The following SPNS1 variants were observed in gnomAD, a reference collection of about 807,000 sequenced individuals.
SPNS1 encodes the protein SPNS lysolipid transporter 1, lysophospholipid.
SPNS1 carries 22 observed loss-of-function variants against 50.3 expected under a neutral mutation model. The observed-to-expected ratio is 0.44, with a 90% CI of 0.31 to 0.62. The LOEUF (loss-of-function observed/expected upper bound fraction) is 0.62, where lower values mean the gene tolerates loss of function less well. Among genes scored for constraint, SPNS1 ranks in the 20% least tolerant of loss-of-function variants. The pLI is 0.07. For synonymous variants in SPNS1, 295 were observed against 317.4 expected (o/e 0.93, Z 0.75); for missense variants, 576 against 728.6 (o/e 0.79, Z 2.41).
chr16:28,976,483 C>T (rs370808944), intron 2 of SPNS1, among the ~76,000 whole-genome samples: 18 of 152,086 alleles, frequency 1.2e-4, no homozygotes, highest in South Asian at 6.2e-4. Context: ...TAGGACTTTG[C>T]GAAGAACTTT....
rs772677630 is a variant in SPNS1 at position 28,981,417 on chromosome 16, A to G, written c.664-53A>G. The G allele has an allele frequency of 1.2e-6, 2 of 1,608,794 alleles. No homozygotes were observed. The highest frequency in any genetic ancestry group is 1.7e-6 in the Non-Finnish European group (2 of 1,176,576). On this transcript the variant is annotated intron_variant, in intron 5 of 11. Coordinates refer to ENST00000311008, the MANE Select transcript of SPNS1 (RefSeq NM_032038.3). The surrounding 1 kb of genome is among the most constrained non-coding windows in gnomAD (Gnocchi z 4.2). ...TGTACCCCACACTCTCCTCCAGCCCAGGGCTTGAGTGTGTCTCTCCCTGTG... is the reference window on the plus strand; with the variant it reads ...TGTACCCCACACTCTCCTCCAGCCCGGGGCTTGAGTGTGTCTCTCCCTGTG...
intron 2 of SPNS1, among the ~76,000 whole-genome samples, chr16:28,977,312 T>TA (rs11297402): frequency 2.6e-3 from 322 of 125,664 alleles, no homozygotes; most frequent in South Asian, 7.9e-3. Flanking sequence ...AGACTTCGTT[T>TA]AAAAAAAAAA....
At chr16:28,979,573 CA>C in intron 5 of SPNS1, 102 bp downstream of exon 5, 1 of 1,282,394 alleles carries the variant, frequency 7.8e-7, no homozygotes, top group Non-Finnish European at 1.1e-6. Context: ...TTTTAAGAGA[CA>C]GGGTCTTGTT....
rs774014230 is a variant in SPNS1, at chr16:28,982,432, C to T, written c.1042C>T (p.Arg348Cys). 1.1e-5 allele frequency: 18 copies of T among 1,613,594 alleles called. No individual in the cohort carries two copies. Among genetic ancestry groups the T allele is most frequent in the East Asian group, 2.2e-5 (1 of 44,866 alleles). Residue 348 changes from arginine (R) to cysteine (C), a missense_variant, in exon 8 of 12, where the codon CGC becomes TGC. Physicochemically the swap from Arg to Cys is radical, Grantham distance 180. This residue lies in a region of SPNS1 where 428 missense variants were observed against 520.1 expected (regional missense o/e 0.82). Coordinates refer to ENST00000311008, the MANE Select transcript of SPNS1 (RefSeq NM_032038.3). ...GGGTGTGGAGATCAGCCGCCGGCTC[C>T]GCCACTCCAACCCCCGGGCTGATCC... Reference protein sequence around the residue: ...GLGVEISRRLRHSNPRADPLV... With the variant: ...GLGVEISRRLCHSNPRADPLV...
intron 2 of SPNS1, among the ~76,000 whole-genome samples, chr16:28,976,650 G>A (rs953487926): frequency 1.3e-5 from 2 of 152,146 alleles, no homozygotes; most frequent in Non-Finnish European, 2.9e-5. Flanking sequence ...AGTTGGAGGC[G>A]GAACAGGAAT....
intron 8 of SPNS1, 44 bp from the exon 9 acceptor site, chr16:28,982,813 G>A: frequency 6.2e-7 from 1 of 1,603,924 alleles, no homozygotes; most frequent in Non-Finnish European, 8.5e-7. Context: ...CTTTCCATGT[G>A]TTAGCCCTTA....
In SPNS1 at chr16:28,975,325, G is replaced by T; in HGVS notation, c.174G>T (p.Ser58=). Residue 58 remains serine (S), a synonymous_variant, in exon 1 of 12, where the codon TCG becomes TCT. Coordinates refer to ENST00000311008, the MANE Select transcript of SPNS1 (RefSeq NM_032038.3). ...QRITGLSPGR[S]ALIVAVLCYI... is the part of the protein sequence containing the mutation. ...TCACCGGCCTGTCTCCCGGCCGTTC[G>T]GCTCTCATAGTGGCGGTGCTGTGCT... 1.3e-6 allele frequency: 2 copies of T among 1,585,758 alleles called. No homozygotes were observed. Among genetic ancestry groups the T allele is most frequent in the East Asian group, 2.3e-5 (1 of 44,418 alleles).
In SPNS1 at chr16:28,980,936, A is replaced by C. The variant is rs117219491; in HGVS notation, c.664-534A>C. On this transcript the variant is annotated intron_variant, in intron 5 of 11. Coordinates refer to ENST00000311008, the MANE Select transcript of SPNS1 (RefSeq NM_032038.3). ...GCTTTCTTCCTGAAAGTCCCAGGTG[A>C]GCTTCAGTCAGGTAAAGCTGGATCC... Among the ~76,000 whole-genome samples the C allele has an allele frequency of 2.1e-3, 313 of 152,316 alleles. 3 individuals are homozygous for C. The East Asian group carries it at 0.021, about 10-fold the overall frequency.
In SPNS1 at chr16:28,983,985, C is replaced by T; in HGVS notation, c.1492+28C>T. 1 of 1,529,590 alleles carries T rather than the reference C, an allele frequency of 6.5e-7. No individual in the cohort carries two copies. The highest frequency in any genetic ancestry group is 2.0e-5 in the Admixed American group (1 of 49,904). The allele number at this position is 1,529,590 out of a possible 1,614,324, so 94.8% of individuals were successfully genotyped here. A position where few individuals can be genotyped will look rare whatever the true frequency, so the allele number is the denominator to read the frequency against. On this transcript the variant is annotated intron_variant, in intron 11 of 11. Coordinates refer to ENST00000311008, the MANE Select transcript of SPNS1 (RefSeq NM_032038.3). The surrounding 1 kb of genome is among the most constrained non-coding windows in gnomAD (Gnocchi z 5.4). Reference sequence around the variant, plus strand: ...CAGTTAGGAGCTGTGCCCGGCCCAGCTTCTTGATCTGCCTGTCTGTCTGTC... The same window carrying T: ...CAGTTAGGAGCTGTGCCCGGCCCAGTTTCTTGATCTGCCTGTCTGTCTGTC...
At chr16:28,982,128 C>G in intron 7 of SPNS1, 72 bp downstream of exon 7, 1 of 1,553,140 alleles carries the variant, frequency 6.4e-7, no homozygotes, top group Non-Finnish European at 8.7e-7. Flanking sequence ...GTGGCTCAGA[C>G]CCAGGCAGGG....
In SPNS1 at chr16:28,974,809, C is replaced by T. The variant is rs898689405; in HGVS notation, c.-343C>T. 4 of 1,535,572 alleles carry T rather than the reference C, an allele frequency of 2.6e-6. No homozygotes were observed. The African/African-American group carries it at 5.5e-5, about 21-fold the overall frequency. ...CCGGCTTTAAGCAACATGGCGGCTGCCGTGGTGCAGCGCCCGGGCTGAGCG... is the reference window on the plus strand; with the variant it reads ...CCGGCTTTAAGCAACATGGCGGCTGTCGTGGTGCAGCGCCCGGGCTGAGCG... On this transcript the variant is annotated 5_prime_UTR_variant, in exon 1 of 12. Transcript: ENST00000311008.
Position 28,983,655 on chromosome 16 carries a change from C to G in SPNS1, c.1321-131C>G. On this transcript the variant is annotated intron_variant, in intron 10 of 11. Coordinates refer to ENST00000311008, the MANE Select transcript of SPNS1 (RefSeq NM_032038.3). The surrounding 1 kb of genome is among the most constrained non-coding windows in gnomAD (Gnocchi z 5.4). ...TAGCTGGGATGATAGGCATGAGCCA[C>G]TGCATCTAGCTCAAACCTCCTTCCC... 4 of 1,086,782 alleles carry G rather than the reference C, an allele frequency of 3.7e-6. No individual in the cohort carries two copies. Among genetic ancestry groups the G allele is most frequent in the Non-Finnish European group, 5.2e-6 (4 of 764,396 alleles). The allele number at this position is 1,086,782 out of a possible 1,614,324, so 67.3% of individuals were successfully genotyped here.
intron 2 of SPNS1, 106 bp downstream of exon 2, chr16:28,975,663 G>A: frequency 7.8e-7 from 1 of 1,284,502 alleles, no homozygotes; most frequent in Non-Finnish European, 1.1e-6. Flanking sequence ...AGGTTTTGTG[G>A]CCAGTTAGGG....
chr16:28,978,349 C>T (rs545792890), intron 3 of SPNS1: 1 of 285,398 alleles, frequency 3.5e-6, no homozygotes, highest in East Asian at 6.9e-5. Flanking sequence ...ATCAGACTTC[C>T]TGAAGGGCCC....
chr16:28,977,830 G>A, intron 2 of SPNS1, 78 bp from the exon 3 acceptor site: 1 of 1,566,602 alleles, frequency 6.4e-7, no homozygotes. Flanking sequence ...CATCTCCTGT[G>A]CTTTAGTGGT....
In SPNS1 at chr16:28,981,477, C is replaced by G; in HGVS notation, c.671C>G (p.Pro224Arg). 6.2e-7 allele frequency: 1 copy of G among 1,614,016 alleles called. No homozygotes were observed. Among genetic ancestry groups the G allele is most frequent in the Non-Finnish European group, 8.5e-7 (1 of 1,179,966 alleles). The stretch of plus-strand genomic sequence containing the variant: ...AAGCCCTCTGTCTCCCAGGTGACAC[C>G]GGGTCTAGGAGTGGTGGCCGTTCTG... ...GDWHWALRVTPGLGVVAVLLL... is the reference protein window; with the variant it reads ...GDWHWALRVTRGLGVVAVLLL... The change falls in exon 6 of 12, where the codon CCG becomes CGG. Residue 224 changes from proline (P) to arginine (R), a missense_variant. By Grantham distance (103) the Pro-to-Arg change is moderately radical. Coordinates refer to ENST00000311008, the MANE Select transcript of SPNS1 (RefSeq NM_032038.3). This position sits in a 1 kb window ranked among gnomAD's most constrained non-coding sequence, Gnocchi z 4.2.
chr16:28,983,904 G>C lies in SPNS1; in HGVS notation c.1439G>C (p.Gly480Ala). ...GCACTGGGCGGCGCAGCCTTCCTGG[G>C]CACCGCCATCTTCATTGAGGCCGAC... ...VGALGGAAFL[G>A]TAIFIEADRR... is the part of the protein sequence containing the mutation. The change falls in exon 11 of 12, where the codon GGC becomes GCC. Residue 480 changes from glycine to alanine, a missense_variant. Physicochemically the swap from Gly to Ala is moderately conservative, Grantham distance 60 (BLOSUM62 0). This residue lies in a region of SPNS1 where 428 missense variants were observed against 520.1 expected (regional missense o/e 0.82). Transcript: ENST00000311008. The surrounding 1 kb of genome is among the most constrained non-coding windows in gnomAD (Gnocchi z 5.4). 1 of 1,599,908 alleles carries C rather than the reference G, an allele frequency of 6.3e-7. No homozygotes were observed.
At chr16:28,982,207 T>A (rs1965577474) in intron 7 of SPNS1, 149 bp from the exon 8 acceptor site, 2 of 1,340,986 alleles carry the variant, frequency 1.5e-6, no homozygotes, top group African/African-American at 1.5e-5. Context: ...GGGAAATAAG[T>A]GATGGGATGA....
Position 28,983,698 on chromosome 16 carries a change from G to A in SPNS1, c.1321-88G>A. 1.4e-6 allele frequency: 2 copies of A among 1,419,874 alleles called. No homozygotes were observed. The highest frequency in any genetic ancestry group is 1.9e-6 in the Non-Finnish European group (2 of 1,061,954). 88.0% of individuals were successfully genotyped at this position (1,419,874 alleles called of 1,614,324 possible). ...TCCTTCCCTTTCCTGGGCTCCACTT[G>A]TCTTTCTCCCTGGAGCTCAGGGGCG... is the stretch of plus-strand genomic sequence containing the variant. On this transcript the variant is annotated intron_variant, in intron 10 of 11. Transcript: ENST00000311008. The surrounding 1 kb of genome is among the most constrained non-coding windows in gnomAD (Gnocchi z 5.4).
Sources: allele counts gnomAD v4.1 joint callset (sites outside exome capture counted in the v4.1 genomes callset), GRCh38; gene constraint gnomAD v4.1.1; regional missense constraint gnomAD v4.1.1; non-coding constraint Gnocchi (gnomAD v3.1); transcripts MANE v1.5; gene names NCBI Gene and HGNC (gene_info 2026-07-23, HGNC 2026-07-21).